The following EYS variants were observed in gnomAD, a reference collection of about 807,000 sequenced individuals.
EYS encodes the protein EGF-like photoreceptor maintenance factor.
A neutral mutation model predicts 282.1 loss-of-function variants in EYS; 250 were observed. That is an observed-to-expected ratio of 0.89 (90% CI 0.80 to 0.98). EYS has a LOEUF of 0.98. Ranked by LOEUF, EYS falls within the 50% of genes least tolerant of loss-of-function variation. The pLI, the probability that EYS is intolerant of heterozygous loss-of-function variation, is 0.00. For synonymous variants in EYS, 1,355 were observed against 1,282.9 expected, an observed-to-expected ratio of 1.06 and a Z score of -1.20; for missense variants, 4,016 against 3,709.0, an observed-to-expected ratio of 1.08 and a Z score of -2.15.
intron 31 of EYS, among the ~76,000 whole-genome samples, chr6:64,125,154 GTCTCTC>G (rs112304740): frequency 1.1e-4 from 16 of 145,264 alleles, no homozygotes; most frequent in Non-Finnish European, 1.8e-4. Flanking sequence ...CACACTCTCT[GTCTCTC>G]TCTCTCTCTC....
intron 29 of EYS, among the ~76,000 whole-genome samples, chr6:64,381,636 T>C (rs1772751526): frequency 2.6e-5 from 4 of 152,238 alleles, no homozygotes; most frequent in Admixed American, 2.0e-4. Context: ...TAAAGACTTT[T>C]GTTATGAACA....
intron 41 of EYS, among the ~76,000 whole-genome samples, chr6:63,727,937 A>G (rs893275113): frequency 2.7e-5 from 4 of 149,880 alleles, no homozygotes; most frequent in Non-Finnish European, 4.4e-5. Flanking sequence ...AAAAAAAAAA[A>G]TGCTGGGATG....
chr6:65,622,087 C>T (rs1180890154), intron 2 of EYS, among the ~76,000 whole-genome samples: 1 of 152,132 alleles, frequency 6.6e-6, no homozygotes, highest in Non-Finnish European at 1.5e-5. Flanking sequence ...CAGTTTATGT[C>T]AGCAATAAAG....
chr6:65,494,920 C>A lies in EYS; in HGVS notation c.491G>T (p.Arg164Leu). ...CTGCTGTTTCACTGTCACATTTAGTCGAAGTCCCAGTGGACAAGGTGATGG... is the reference window on the plus strand; with the variant it reads ...CTGCTGTTTCACTGTCACATTTAGTAGAAGTCCCAGTGGACAAGGTGATGG... The part of the protein sequence containing the change: ...SGPSPCPLGL[R>L]LNVTVKQQFC... Residue 164 changes from arginine to leucine, a missense_variant, in exon 4 of 43, where the codon CGA (arginine) becomes CTA (leucine). Arg to Leu is a moderately radical substitution (Grantham distance 102, BLOSUM62 -2). Coordinates refer to ENST00000503581, the MANE Select transcript of EYS (RefSeq NM_001142800.2). 1 of 1,614,048 alleles carries A rather than the reference C, an allele frequency of 6.2e-7. No individual in the cohort carries two copies. Among genetic ancestry groups the A allele is most frequent in the Non-Finnish European group, 8.5e-7 (1 of 1,179,994 alleles).
intron 24 of EYS, among the ~76,000 whole-genome samples, chr6:64,606,255 A>G (rs747803482): frequency 3.6e-4 from 54 of 152,008 alleles, no homozygotes; most frequent in Non-Finnish European, 6.6e-4. Flanking sequence ...ACACTCCTTG[A>G]AAGTAACTTG....
intron 19 of EYS, among the ~76,000 whole-genome samples, chr6:64,880,611 C>T (rs958489609): frequency 3.3e-5 from 5 of 151,410 alleles, no homozygotes; most frequent in African/African-American, 4.8e-5. Context: ...CTTAATGTTC[C>T]ATTTAAATTC....
rs569759233 is a variant in EYS, at chr6:64,315,283, C to T, written c.6079-8201G>A. On this transcript the variant is annotated intron_variant, in intron 29 of 42. Transcript: ENST00000503581. ...AATTGAGGCAGTAATTAATAGCCTA[C>T]CAACCAAAAACGTCCAGGATCAGAT... Among the ~76,000 whole-genome samples the T allele has an allele frequency of 7.2e-5, 11 of 152,256 alleles. No homozygotes were observed. The East Asian group carries it at 1.7e-3, about 24-fold the overall frequency.
intron 26 of EYS, among the ~76,000 whole-genome samples, chr6:64,525,985 G>C (rs1484862211): frequency 6.6e-6 from 1 of 151,716 alleles, no homozygotes; most frequent in African/African-American, 2.4e-5. Context: ...AATATCATCT[G>C]TAGACTATTA....
intron 12 of EYS, among the ~76,000 whole-genome samples, chr6:65,079,106 C>A (rs1581890584): frequency 1.3e-5 from 2 of 151,884 alleles, no homozygotes; most frequent in Admixed American, 1.3e-4. Flanking sequence ...TATAGCAATG[C>A]AAGAATAGCC....
intron 14 of EYS, among the ~76,000 whole-genome samples, chr6:64,972,153 A>T (rs1169809119): frequency 6.6e-6 from 1 of 152,170 alleles, no homozygotes; most frequent in Admixed American, 6.5e-5. Context: ...CCAGAAGATG[A>T]GAAAGAAGAC....
intron 2 of EYS, among the ~76,000 whole-genome samples, chr6:65,574,066 C>A (rs1286932051): frequency 2.0e-5 from 3 of 152,124 alleles, no homozygotes; most frequent in East Asian, 1.9e-4. Context: ...GGAGTCCCTG[C>A]GCCCTAGGCA....
At chr6:65,070,417 C>T (rs1773869925) in intron 12 of EYS, among the ~76,000 whole-genome samples, 1 of 151,914 alleles carries the variant, frequency 6.6e-6, no homozygotes, top group African/African-American at 2.4e-5. Flanking sequence ...TGCATCCACA[C>T]TTAGCAGTCA....
chr6:64,244,303 G>T (rs1257282501), intron 30 of EYS, among the ~76,000 whole-genome samples: 1 of 151,994 alleles, frequency 6.6e-6, no homozygotes, highest in Non-Finnish European at 1.5e-5. Context: ...AGATTTGTTG[G>T]TCTTTTTGAG....
chr6:65,549,028 G>C (rs1338626320), intron 2 of EYS, among the ~76,000 whole-genome samples: 1 of 152,104 alleles, frequency 6.6e-6, no homozygotes, highest in East Asian at 1.9e-4. Context: ...AGTTCAAATA[G>C]GGTTTGAGCA....
At chr6:64,608,398 A>T (rs1767001229) in intron 24 of EYS, among the ~76,000 whole-genome samples, 1 of 152,140 alleles carries the variant, frequency 6.6e-6, no homozygotes, top group Admixed American at 6.6e-5. Context: ...TAGCCACAAA[A>T]ATAATTGATG....
intron 31 of EYS, among the ~76,000 whole-genome samples, chr6:64,193,737 G>A (rs1158346452): frequency 6.6e-6 from 1 of 152,070 alleles, no homozygotes; most frequent in Non-Finnish European, 1.5e-5. Flanking sequence ...ACCTGTGAAT[G>A]AGAACATGTG....
At chr6:65,410,150 A>G (rs180735824) in intron 5 of EYS, among the ~76,000 whole-genome samples, 58 of 152,230 alleles carry the variant, frequency 3.8e-4, no homozygotes, top group African/African-American at 1.1e-3. Flanking sequence ...ATACTACCTT[A>G]TAAGTATGTA....
At chr6:65,598,147 A>G (rs933332417) in intron 2 of EYS, among the ~76,000 whole-genome samples, 2 of 147,274 alleles carry the variant, frequency 1.4e-5, no homozygotes, top group African/African-American at 5.1e-5. Context: ...AACAAACTCT[A>G]TTTTTAAGTC....
chr6:64,095,982 TGTAAA>T (rs1000508850), intron 31 of EYS, among the ~76,000 whole-genome samples: 2 of 152,214 alleles, frequency 1.3e-5, no homozygotes, highest in Non-Finnish European at 2.9e-5. Context: ...TTTGCTTATC[TGTAAA>T]GTATTTTATT....
Sources: allele counts gnomAD v4.1 joint callset (sites outside exome capture counted in the v4.1 genomes callset), GRCh38; gene constraint gnomAD v4.1.1; transcripts MANE v1.5; gene names NCBI Gene and HGNC (gene_info 2026-07-23, HGNC 2026-07-21).